Variants in KDM1A observed in about 807,000 individuals in gnomAD.
KDM1A encodes lysine demethylase 1A.
In KDM1A, 49 loss-of-function variants were observed where a neutral mutation model predicts 109.4. The ratio of observed to expected loss-of-function variants is 0.45; its 90% CI spans 0.36 to 0.57. The LOEUF (loss-of-function observed/expected upper bound fraction) is 0.57, where lower values mean the gene tolerates loss of function less well. KDM1A is among the 20% of genes least tolerant of loss of function. The probability of loss-of-function intolerance (pLI) is 0.00; values close to 1 mark genes in which losing one functional copy is unlikely to be tolerated. For synonymous variants in KDM1A, 380 were observed against 415.4 expected (o/e 0.91, Z 1.04); for missense variants, 668 against 1,116.6 (o/e 0.60, Z 5.73).
chr1:23,051,894 A>G (rs1642680478), intron 4 of KDM1A, among the ~76,000 whole-genome samples: 1 of 152,238 alleles, frequency 6.6e-6, no homozygotes, highest in Admixed American at 6.5e-5. Flanking sequence ...TTTGTAAAAC[A>G]GAAAAGAACA....
At chr1:23,051,160 A>G (rs1470778256) in intron 4 of KDM1A, among the ~76,000 whole-genome samples, 1 of 152,184 alleles carries the variant, frequency 6.6e-6, no homozygotes, top group East Asian at 1.9e-4. Flanking sequence ...CTGAAGAGAA[A>G]TCTTTACCCT....
At chr1:23,020,762 G>A (rs759220683) in intron 1 of KDM1A, among the ~76,000 whole-genome samples, 2 of 152,102 alleles carry the variant, frequency 1.3e-5, no homozygotes, top group Admixed American at 6.5e-5. Context: ...GTAAACTGAG[G>A]CACACAATTT....
At chr1:23,045,238 A>G (rs1642468772) in intron 3 of KDM1A, among the ~76,000 whole-genome samples, 1 of 152,218 alleles carries the variant, frequency 6.6e-6, no homozygotes, top group Non-Finnish European at 1.5e-5. Flanking sequence ...GTTTATAGAT[A>G]CGTTTTGATA....
At position 23,059,630 on chromosome 1, in the gene KDM1A, G is replaced by A. The variant is rs138623647; in HGVS notation, c.1167+463G>A. ...GGTACTTACTCACATGCTTAGATAGGCTAAAGTATTTATTGACCAGAGGCA... is the reference window on the plus strand; with the variant it reads ...GGTACTTACTCACATGCTTAGATAGACTAAAGTATTTATTGACCAGAGGCA... On this transcript the variant is annotated intron_variant, in intron 9 of 20. Coordinates refer to ENST00000400181, the MANE Select transcript of KDM1A (RefSeq NM_001009999.3). Among the ~76,000 whole-genome samples the A allele has an allele frequency of 2.6e-3, 394 of 152,264 alleles. 1 individual carries two copies. The highest frequency in any genetic ancestry group is 3.2e-3 in the Non-Finnish European group (218 of 68,036).
chr1:23,079,697 A>G lies in KDM1A; in HGVS notation c.2170+30A>G. 7.2e-7 allele frequency: 1 copy of G among 1,385,446 alleles called. No individual in the cohort carries two copies. Among genetic ancestry groups the G allele is most frequent in the South Asian group, 1.2e-5 (1 of 80,312 alleles). The allele number at this position is 1,385,446 out of a possible 1,614,324, so 85.8% of individuals were successfully genotyped here. A position where few individuals can be genotyped will look rare whatever the true frequency, so the allele number is the denominator to read the frequency against. On this transcript the variant is annotated intron_variant, in intron 18 of 20. Transcript: ENST00000400181. The surrounding 1 kb of genome is among the most constrained non-coding windows in gnomAD (Gnocchi z 5.6). ...ATGCCTTCTAATTTTAATCTTTTCCATATCCTTACAGGAATATAGAATTTG... is the reference window on the plus strand; with the variant it reads ...ATGCCTTCTAATTTTAATCTTTTCCGTATCCTTACAGGAATATAGAATTTG...
intron 2 of KDM1A, among the ~76,000 whole-genome samples, chr1:23,030,954 G>C (rs1569641687): frequency 6.6e-6 from 1 of 152,096 alleles, no homozygotes; most frequent in Non-Finnish European, 1.5e-5. Flanking sequence ...TAAATGATTA[G>C]AAAAAACATA....
At chr1:23,054,770 G>T (rs1301344425) in intron 5 of KDM1A, among the ~76,000 whole-genome samples, 1 of 152,010 alleles carries the variant, frequency 6.6e-6, no homozygotes, top group African/African-American at 2.4e-5. Context: ...AGGACTATGG[G>T]CATGCACCAT....
At chr1:23,055,000 G>C in intron 5 of KDM1A, 69 bp from the exon 6 acceptor site, 2 of 936,932 alleles carry the variant, frequency 2.1e-6, no homozygotes, top group Non-Finnish European at 3.3e-6. Flanking sequence ...TGGAGAAATG[G>C]AAGAGTTAGA....
chr1:23,072,004 A>T, intron 13 of KDM1A, 120 bp from the exon 14 acceptor site: 1 of 653,210 alleles, frequency 1.5e-6, no homozygotes, highest in Non-Finnish European at 2.7e-6. Flanking sequence ...AAATTGAGCC[A>T]CACTTCCTGT....
intron 1 of KDM1A, among the ~76,000 whole-genome samples, chr1:23,022,451 T>C (rs1641665568): frequency 1.3e-5 from 2 of 151,780 alleles, no homozygotes; most frequent in South Asian, 4.2e-4. Flanking sequence ...TTCTCCTGCC[T>C]CAGCCTCCCG....
rs528378078 is a variant in KDM1A at position 23,079,960 on chromosome 1, G to C, written c.2170+293G>C. On this transcript the variant is annotated intron_variant, in intron 18 of 20. Transcript: ENST00000400181. The surrounding 1 kb of genome is among the most constrained non-coding windows in gnomAD (Gnocchi z 5.6). ...ACTCAGCCTGGAGGGATAGGCCCAGGGAGGCTTCCTACCAGGGGAAGCTTG... is the reference window on the plus strand; with the variant it reads ...ACTCAGCCTGGAGGGATAGGCCCAGCGAGGCTTCCTACCAGGGGAAGCTTG... 6.6e-6 allele frequency among the ~76,000 whole-genome samples: 1 copy of C among 152,234 alleles called. No homozygotes were observed. Among genetic ancestry groups the C allele is most frequent in the Admixed American group, 6.5e-5 (1 of 15,300 alleles).
intron 1 of KDM1A, among the ~76,000 whole-genome samples, chr1:23,024,017 T>G (rs1641721136): frequency 6.6e-6 from 1 of 152,042 alleles, no homozygotes; most frequent in Non-Finnish European, 1.5e-5. Context: ...GCCTGGCTAA[T>G]TTTTTATTTT....
At chr1:23,074,663 C>T (rs542088443) in intron 15 of KDM1A, among the ~76,000 whole-genome samples, 1 of 152,260 alleles carries the variant, frequency 6.6e-6, no homozygotes, top group South Asian at 2.1e-4. Context: ...CCTGTGTTCT[C>T]CTGCAGAAAT....
At chr1:23,077,458 GT>G in intron 16 of KDM1A, 98 bp downstream of exon 16, 1 of 1,270,986 alleles carries the variant, frequency 7.9e-7, no homozygotes, top group Non-Finnish European at 1.1e-6. Flanking sequence ...CTGATAGAGT[GT>G]TTATGACACC....
At chr1:23,025,296 A>G (rs1641759210) in intron 1 of KDM1A, among the ~76,000 whole-genome samples, 2 of 151,966 alleles carry the variant, frequency 1.3e-5, no homozygotes, top group South Asian at 4.2e-4. Context: ...AGTGCAGACC[A>G]TAAGTGCTGT....
intron 3 of KDM1A, 146 bp from the exon 4 acceptor site, chr1:23,050,241 T>C: frequency 1.4e-6 from 1 of 699,328 alleles, no homozygotes; most frequent in Non-Finnish European, 2.1e-6. Flanking sequence ...AAGTGGCTAA[T>C]ATCTAAGGAA....
intron 9 of KDM1A, among the ~76,000 whole-genome samples, chr1:23,063,196 T>G (rs1271349142): frequency 4.6e-4 from 18 of 39,392 alleles, no homozygotes; most frequent in East Asian, 7.6e-4. Context: ...GCTGTAGCAT[T>G]GGGGGGGGGG....
intron 3 of KDM1A, 57 bp downstream of exon 3, chr1:23,044,543 G>A: frequency 6.8e-7 from 1 of 1,461,298 alleles, no homozygotes; most frequent in East Asian, 2.3e-5. Flanking sequence ...AGTAGGAATT[G>A]ATGCTTGCAA....
At chr1:23,022,853 T>A (rs1018251395) in intron 1 of KDM1A, among the ~76,000 whole-genome samples, 2 of 151,600 alleles carry the variant, frequency 1.3e-5, no homozygotes, top group African/African-American at 4.8e-5. Context: ...GAGACAGGGT[T>A]TCACCATGTT....
Sources: allele counts gnomAD v4.1 joint callset (sites outside exome capture counted in the v4.1 genomes callset), GRCh38; gene constraint gnomAD v4.1.1; non-coding constraint Gnocchi (gnomAD v3.1); transcripts MANE v1.5; gene names NCBI Gene and HGNC (gene_info 2026-07-23, HGNC 2026-07-21).